The following SLCO4A1 variants were observed in gnomAD, a reference collection of about 807,000 sequenced individuals.
SLCO4A1 encodes colon organic anion transporter.
In SLCO4A1, 51 loss-of-function variants were observed where a neutral mutation model predicts 64.6. The ratio of observed to expected loss-of-function variants is 0.79; its 90% CI spans 0.63 to 1.00. SLCO4A1 has a LOEUF of 1.00. Ranked by LOEUF, SLCO4A1 falls within the 50% of genes least tolerant of loss-of-function variation. The probability of loss-of-function intolerance (pLI) is 0.00; values close to 1 mark genes in which losing one functional copy is unlikely to be tolerated. For missense variants in SLCO4A1, 919 were observed against 980.5 expected (o/e 0.94, Z 0.84); for synonymous variants, 471 against 444.9 (o/e 1.06, Z -0.74).
chr20:62,676,538 C>A (rs1271349949), downstream of SLCO4A1, among the ~76,000 whole-genome samples: 2 of 152,194 alleles, frequency 1.3e-5, no homozygotes, highest in South Asian at 2.1e-4. Context: ...CCAACGAGCC[C>A]AGGAGAAGAT....
At chr20:62,663,930 C>T (rs58088377) in intron 5 of SLCO4A1, among the ~76,000 whole-genome samples, 1,881 of 152,316 alleles carry the variant, frequency 0.012, 38 homozygotes, top group African/African-American at 0.042. Flanking sequence ...GCTTAAGCAG[C>T]GGTTGGGCGT....
chr20:62,682,383 C>T (rs567821079), intron 2 of SLCO4A1, among the ~76,000 whole-genome samples: 2 of 152,246 alleles, frequency 1.3e-5, no homozygotes, highest in East Asian at 3.9e-4. Context: ...TGTGAATTGC[C>T]GGGGCCACAG....
At chr20:62,662,225 A>G (rs932753328) in intron 5 of SLCO4A1, among the ~76,000 whole-genome samples, 16 of 152,062 alleles carry the variant, frequency 1.1e-4, no homozygotes, top group African/African-American at 3.9e-4. Context: ...GAGAGGCCTC[A>G]TTAGGACCCT....
chr20:62,646,624 C>T (rs929495461), intron 1 of SLCO4A1, among the ~76,000 whole-genome samples: 9 of 152,352 alleles, frequency 5.9e-5, no homozygotes, highest in African/African-American at 1.9e-4. Flanking sequence ...GCTCCGGGGC[C>T]GGACAGGGTG....
At position 62,645,641 on chromosome 20, in the gene SLCO4A1, G is replaced by T. The variant is rs1419001427; in HGVS notation, c.-97+3088G>T. ...ATTAGACCCTGGGACTACATTTCTG[G>T]CGGAAGGTGACTGCTTTTTCAAACC... is the stretch of plus-strand genomic sequence containing the variant. On this transcript the variant is annotated intron_variant, in intron 1 of 11. Coordinates refer to ENST00000217159, the MANE Select transcript of SLCO4A1 (RefSeq NM_016354.4). This position sits in a 1 kb window ranked among gnomAD's most constrained non-coding sequence, Gnocchi z 4.2. 6.6e-6 allele frequency among the ~76,000 whole-genome samples: 1 copy of T among 151,756 alleles called. No individual in the cohort carries two copies. Among genetic ancestry groups the T allele is most frequent in the Non-Finnish European group, 1.5e-5 (1 of 67,910 alleles).
downstream of SLCO4A1, among the ~76,000 whole-genome samples, chr20:62,687,217 C>G (rs1019067445): frequency 6.6e-6 from 1 of 151,524 alleles, no homozygotes; most frequent in Non-Finnish European, 1.5e-5. Context: ...CAAACAGGAG[C>G]GGGGGCCTCT....
chr20:62,648,426 G>A (rs1405421595), intron 1 of SLCO4A1, among the ~76,000 whole-genome samples: 1 of 152,238 alleles, frequency 6.6e-6, no homozygotes, highest in Non-Finnish European at 1.5e-5. Flanking sequence ...AGTGGCTCAC[G>A]GGCGGGGCCA....
Position 62,657,090 on chromosome 20 carries a change from C to A in SLCO4A1, c.636C>A (p.Pro212=). 1 of 1,600,698 alleles carries A rather than the reference C, an allele frequency of 6.2e-7. No homozygotes were observed. Among genetic ancestry groups the A allele is most frequent in the Admixed American group, 1.7e-5 (1 of 58,798 alleles). ...DAGVRTCPAN[P]GAVCADSTSG... Reference sequence around the variant, plus strand: ...GTGTCAGGACGTGCCCTGCCAACCCCGGCGCGGTGTGTGCGGACAGCACCT... The same window carrying A: ...GTGTCAGGACGTGCCCTGCCAACCCAGGCGCGGTGTGTGCGGACAGCACCT... Residue 212 remains proline (P), a synonymous_variant, in exon 2 of 12, where the codon CCC becomes CCA. Coordinates refer to ENST00000217159, the MANE Select transcript of SLCO4A1 (RefSeq NM_016354.4).
At chr20:62,686,482 C>A (rs757027824), downstream of SLCO4A1, among the ~76,000 whole-genome samples, 1 of 152,164 alleles carries the variant, frequency 6.6e-6, no homozygotes, top group Non-Finnish European at 1.5e-5. Flanking sequence ...GCGCCAGGAG[C>A]GGGGAAGAGG....
chr20:62,667,347 G>A (rs1382238231), intron 7 of SLCO4A1: 8 of 207,356 alleles, frequency 3.9e-5, no homozygotes, highest in South Asian at 2.2e-4. Flanking sequence ...ATGCACAGCC[G>A]GCCTGTGGCT....
intron 2 of SLCO4A1, among the ~76,000 whole-genome samples, chr20:62,680,351 TTC>T (rs1987770442): frequency 1.3e-5 from 2 of 152,310 alleles, no homozygotes; most frequent in Non-Finnish European, 2.9e-5. Context: ...TTCCTTTCAT[TTC>T]TTTTTCTTGC....
At position 62,656,765 on chromosome 20, in the gene SLCO4A1, G is replaced by A. The variant is rs1358361232; in HGVS notation, c.311G>A (p.Gly104Asp). 3 of 1,612,720 alleles carry A rather than the reference G, an allele frequency of 1.9e-6. No individual in the cohort carries two copies. The highest frequency in any genetic ancestry group is 2.2e-5 in the East Asian group (1 of 44,880). Residue 104 changes from glycine (G) to aspartate (D), a missense_variant, in exon 2 of 12, where the codon GGC (glycine) becomes GAC (aspartate). Coordinates refer to ENST00000217159, the MANE Select transcript of SLCO4A1 (RefSeq NM_016354.4). ...PCLQVLNTPK[G>D]ILFFLCAAAF... ...CTGCAGGTCCTCAACACGCCCAAGG[G>A]CATCCTGTTCTTCCTGTGTGCGGCC...
chr20:62,668,370 G>T (rs558962213), intron 9 of SLCO4A1, 107 bp from the exon 10 acceptor site: 33 of 1,311,174 alleles, frequency 2.5e-5, no homozygotes, highest in African/African-American at 1.6e-4. Flanking sequence ...ACTTGGGGGG[G>T]GGTGATGATG....
In SLCO4A1 at chr20:62,661,040, C is replaced by CCCCCCCCCCCCCCCCCCCAA; in HGVS notation, c.1010-23_1010-22insCCCCCCCCCCCCCCCCCAAC. Reference sequence around the variant, plus strand: ...CTCCGGGAGCCCCCAGCCCCCAGCCCCAGCTCACTCTGTGCCCTTCCAGGC... The same window carrying CCCCCCCCCCCCCCCCCCCAA: ...CTCCGGGAGCCCCCAGCCCCCAGCCCCCCCCCCCCCCCCCCCCCAACAGCTCACTCTGTGCCCTTCCAGGC... On this transcript the variant is annotated intron_variant, in intron 4 of 11. Transcript: ENST00000217159. This position sits in a 1 kb window ranked among gnomAD's most constrained non-coding sequence, Gnocchi z 5.2. 1 of 1,395,920 alleles carries CCCCCCCCCCCCCCCCCCCAA rather than the reference C, an allele frequency of 7.2e-7. No individual in the cohort carries two copies. The highest frequency in any genetic ancestry group is 1.0e-6 in the Non-Finnish European group (1 of 984,524). 86.5% of individuals were successfully genotyped at this position (1,395,920 alleles called of 1,614,324 possible).
At chr20:62,672,319 CTA>C, downstream of SLCO4A1, 1 of 1,062,216 alleles carries the variant, frequency 9.4e-7, no homozygotes, top group African/African-American at 1.7e-5. Flanking sequence ...TGCTTTATTT[CTA>C]TGAGTTTGCA....
intron 2 of SLCO4A1, among the ~76,000 whole-genome samples, chr20:62,683,825 G>A (rs569020676): frequency 1.3e-5 from 2 of 152,314 alleles, no homozygotes; most frequent in East Asian, 3.9e-4. Context: ...GTGATGCAAC[G>A]CTGCACCGGA....
In SLCO4A1 at chr20:62,644,997, A is replaced by G. The variant is rs751727604; in HGVS notation, c.-97+2444A>G. Among the ~76,000 whole-genome samples, 1 of 152,240 alleles carries G rather than the reference A, an allele frequency of 6.6e-6. No homozygotes were observed. Among genetic ancestry groups the G allele is most frequent in the Non-Finnish European group, 1.5e-5 (1 of 68,034 alleles). ...CACAAAACGTTCCCTCACGAGCCACATGACTGCCTCATTTGCAAGTGGCAA... is the reference window on the plus strand; with the variant it reads ...CACAAAACGTTCCCTCACGAGCCACGTGACTGCCTCATTTGCAAGTGGCAA... On this transcript the variant is annotated intron_variant, in intron 1 of 11. Transcript: ENST00000217159. This position sits in a 1 kb window ranked among gnomAD's most constrained non-coding sequence, Gnocchi z 5.4.
downstream of SLCO4A1, among the ~76,000 whole-genome samples, chr20:62,686,482 C>T (rs757027824): frequency 6.6e-6 from 1 of 152,164 alleles, no homozygotes. Flanking sequence ...GCGCCAGGAG[C>T]GGGGAAGAGG....
Position 62,667,864 on chromosome 20 carries a change from ACGCAGGGTGCC to A in SLCO4A1, c.1594_1604del (p.Ala532CysfsTer17). ...GGCCTCATGTACTTCTCACTGTGCC[ACGCAGGGTGCC>A]CTGCAGCCACGGAGACGAATGTGGA... On this transcript the variant is annotated frameshift_variant, in exon 8 of 12. Coordinates refer to ENST00000217159, the MANE Select transcript of SLCO4A1 (RefSeq NM_016354.4). LOFTEE classifies it high-confidence loss of function. The A allele has an allele frequency of 6.2e-7, 1 of 1,613,772 alleles. No individual in the cohort carries two copies. The highest frequency in any genetic ancestry group is 2.2e-5 in the East Asian group (1 of 44,878).
Sources: allele counts gnomAD v4.1 joint callset (sites outside exome capture counted in the v4.1 genomes callset), GRCh38; gene constraint gnomAD v4.1.1; non-coding constraint Gnocchi (gnomAD v3.1); transcripts MANE v1.5; gene names NCBI Gene and HGNC (gene_info 2026-07-23, HGNC 2026-07-21).